WASHC3: variants seen among roughly 807,000 people sequenced by gnomAD.
The protein encoded by WASHC3 is WASH complex subunit 3, also known as WASH complex subunit CCDC53.
Under a neutral mutation model 26.1 loss-of-function variants are expected in WASHC3, and 24 were observed. The ratio of observed to expected loss-of-function variants is 0.92; its 90% confidence interval spans 0.66 to 1.29. WASHC3 has a LOEUF of 1.29. Ranked by LOEUF, WASHC3 falls within the 50% of genes most tolerant of loss-of-function variation. WASHC3 has a pLI of 0.00. For missense variants in WASHC3, 214 were observed against 229.6 expected (o/e 0.93, Z 0.44); for synonymous variants, 77 against 75.7 (o/e 1.02, Z -0.09).
intron 2 of WASHC3, among the ~76,000 whole-genome samples, chr12:102,057,048 C>A (rs1338262023): frequency 6.6e-6 from 1 of 152,082 alleles, no homozygotes; most frequent in Non-Finnish European, 1.5e-5. Flanking sequence ...TACAACAGCG[C>A]ATTAAAAAGG....
chr12:102,052,843 T>G (rs538564553), intron 2 of WASHC3, among the ~76,000 whole-genome samples: 1 of 151,030 alleles, frequency 6.6e-6, no homozygotes, highest in Non-Finnish European at 1.5e-5. Context: ...ACTATTGCCG[T>G]AGGACCCAGG....
intron 2 of WASHC3, among the ~76,000 whole-genome samples, chr12:102,050,884 G>A (rs1878370151): frequency 6.6e-6 from 1 of 152,192 alleles, no homozygotes; most frequent in Admixed American, 6.5e-5. Context: ...AATGCTCACT[G>A]GGGATTTGTG....
At chr12:102,039,476 A>T (rs1431580916) in intron 5 of WASHC3, among the ~76,000 whole-genome samples, 2 of 152,192 alleles carry the variant, frequency 1.3e-5, no homozygotes, top group Admixed American at 1.3e-4. Context: ...CATGGCCAAG[A>T]GATCATTGAT....
At chr12:102,017,232 G>A (rs1219364821) in intron 6 of WASHC3, among the ~76,000 whole-genome samples, 3 of 152,076 alleles carry the variant, frequency 2.0e-5, no homozygotes, top group African/African-American at 7.3e-5. Flanking sequence ...GCCTAAGTGT[G>A]TAGTACGCTA....
chr12:102,021,931 C>G (rs1392654926), intron 6 of WASHC3, among the ~76,000 whole-genome samples: 1 of 152,170 alleles, frequency 6.6e-6, no homozygotes, highest in Admixed American at 6.5e-5. Flanking sequence ...ACTTTTATTT[C>G]TGGCAACTAT....
chr12:102,018,329 A>G (rs1178590207), intron 6 of WASHC3, among the ~76,000 whole-genome samples: 1 of 152,212 alleles, frequency 6.6e-6, no homozygotes, highest in African/African-American at 2.4e-5. Context: ...TACATCCCCA[A>G]AAGTGGAAGT....
intron 3 of WASHC3, among the ~76,000 whole-genome samples, chr12:102,045,576 C>T (rs140291612): frequency 6.6e-6 from 1 of 152,270 alleles, no homozygotes; most frequent in East Asian, 1.9e-4. Flanking sequence ...CTAAAACAGT[C>T]TTCTATTTTT....
intron 6 of WASHC3, among the ~76,000 whole-genome samples, chr12:102,023,310 T>G (rs1018551948): frequency 3.9e-5 from 6 of 152,202 alleles, no homozygotes; most frequent in Non-Finnish European, 5.9e-5. Flanking sequence ...AACCTCAGTT[T>G]TGCCCTTTGC....
At chr12:102,015,731 G>A (rs1346500372) in intron 6 of WASHC3, among the ~76,000 whole-genome samples, 1 of 152,102 alleles carries the variant, frequency 6.6e-6, no homozygotes, top group Non-Finnish European at 1.5e-5. Flanking sequence ...TTTTTGTGAG[G>A]GAGACAGAAA....
chr12:102,055,575 G>C (rs1231268221), intron 2 of WASHC3, among the ~76,000 whole-genome samples: 2 of 152,164 alleles, frequency 1.3e-5, no homozygotes, highest in Non-Finnish European at 2.9e-5. Context: ...CGAACTCTTA[G>C]CCTCAGGTGA....
intron 5 of WASHC3, among the ~76,000 whole-genome samples, chr12:102,031,581 ATCTTT>A (rs1025548021): frequency 1.1e-3 from 165 of 152,298 alleles, no homozygotes; most frequent in African/African-American, 3.9e-3. Flanking sequence ...GTTCATTTGT[ATCTTT>A]TCTTTATATT....
At chr12:102,044,500 C>T (rs1486037771) in intron 3 of WASHC3, among the ~76,000 whole-genome samples, 1 of 152,144 alleles carries the variant, frequency 6.6e-6, no homozygotes, top group African/African-American at 2.4e-5. Context: ...TAACTTTTAG[C>T]TCTACCACTC....
intron 6 of WASHC3, among the ~76,000 whole-genome samples, chr12:102,025,367 A>AT (rs922877153): frequency 1.1e-4 from 16 of 151,726 alleles, no homozygotes; most frequent in African/African-American, 3.6e-4. Context: ...CTGAGCCACA[A>AT]TTTTTTTTTA....
chr12:102,053,207 T>A (rs554310707), intron 2 of WASHC3, among the ~76,000 whole-genome samples: 1 of 151,728 alleles, frequency 6.6e-6, no homozygotes, highest in South Asian at 2.1e-4. Context: ...GGCCAGACAC[T>A]GCAGACTCAG....
intron 2 of WASHC3, among the ~76,000 whole-genome samples, chr12:102,060,748 GA>G (rs1878770944): frequency 6.6e-6 from 1 of 152,020 alleles, no homozygotes. Flanking sequence ...CCAAGGTCAG[GA>G]ATTCGAGACC....
intron 2 of WASHC3, 99 bp from the exon 3 acceptor site, chr12:102,046,218 TG>T: frequency 1.4e-6 from 1 of 693,952 alleles, no homozygotes; most frequent in Non-Finnish European, 2.5e-6. Context: ...ATTAAATATT[TG>T]TCATATTCTA....
intron 2 of WASHC3, chr12:102,050,356 C>T (rs142174484): frequency 1.1e-4 from 48 of 436,142 alleles, no homozygotes; most frequent in African/African-American, 6.2e-4. Flanking sequence ...CAGTGGCTCA[C>T]GCCTATAATT....
intron 5 of WASHC3, among the ~76,000 whole-genome samples, chr12:102,028,555 A>T (rs1346398682): frequency 6.6e-6 from 1 of 151,998 alleles, no homozygotes; most frequent in Non-Finnish European, 1.5e-5. Context: ...TTACACAAAT[A>T]AGTTACAAAG....
chr12:102,052,371 T>C (rs944818653), intron 2 of WASHC3, among the ~76,000 whole-genome samples: 4 of 151,188 alleles, frequency 2.6e-5, no homozygotes, highest in African/African-American at 7.3e-5. Flanking sequence ...CAGCCCAGAC[T>C]CCAGGCTGAC....
Sources: gnomAD v4.1 joint callset for allele counts (sites outside exome capture counted in the v4.1 genomes callset) on GRCh38, gnomAD v4.1.1 for gene constraint, MANE v1.5 for transcripts, NCBI Gene and HGNC (gene_info 2026-07-23, HGNC 2026-07-21) for gene names.